The following MBIP variants were observed in gnomAD, a reference collection of about 807,000 sequenced individuals.
The protein encoded by MBIP is MAP3K12 binding inhibitory protein 1, also known as MAP3K12-binding inhibitory protein 1.
MBIP carries 32 observed loss-of-function variants against 45.7 expected under a neutral mutation model. The observed-to-expected ratio is 0.70, with a 90% CI of 0.53 to 0.94. MBIP has a LOEUF of 0.94. Ranked by LOEUF, MBIP falls within the 40% of genes least tolerant of loss-of-function variation. The pLI is 0.00. For synonymous variants in MBIP, 145 were observed against 141.0 expected, an observed-to-expected ratio of 1.03 and a Z score of -0.20; for missense variants, 381 against 405.5, an observed-to-expected ratio of 0.94 and a Z score of 0.52.
At chr14:36,305,991 C>T (rs1044506645) in intron 7 of MBIP, among the ~76,000 whole-genome samples, 3 of 152,184 alleles carry the variant, frequency 2.0e-5, no homozygotes, top group African/African-American at 7.2e-5. Context: ...TAGTTTCTCT[C>T]GTTTGTCTCC....
At position 36,307,515 on chromosome 14, in the gene MBIP, C is replaced by G. The variant is rs183287419; in HGVS notation, c.888+577G>C. 2.8e-3 allele frequency among the ~76,000 whole-genome samples: 424 copies of G among 152,198 alleles called. 2 individuals are homozygous for G. Among genetic ancestry groups the G allele is most frequent in the South Asian group, 4.8e-3 (23 of 4,814 alleles). ...ATTTTTCTGAAAAATGTTGATGTGC[C>G]AAAGATACTAACTTACCAGCACAAC... On this transcript the variant is annotated intron_variant, in intron 7 of 8. Transcript: ENST00000416007.
Position 36,308,125 on chromosome 14 carries a change from C to T in MBIP, c.855G>A (p.Leu285=), listed in dbSNP as rs1320833092. 4 of 1,601,996 alleles carry T rather than the reference C, an allele frequency of 2.5e-6. No individual in the cohort carries two copies. Among genetic ancestry groups the T allele is most frequent in the Non-Finnish European group, 3.4e-6 (4 of 1,171,274 alleles). The part of the protein sequence containing the change: ...IKKLEDKILE[L]EGISPEYFQS... ...GAAAATATTCAGGAGAGATGCCTTC[C>T]AATTCAAGGATTTTATCCTCAAGTT... Residue 285 remains leucine, a synonymous_variant, in exon 7 of 9, where the codon TTG becomes TTA. Transcript: ENST00000416007.
chr14:36,301,611 C>T (rs1879557000), intron 7 of MBIP, among the ~76,000 whole-genome samples: 1 of 148,942 alleles, frequency 6.7e-6, no homozygotes, highest in Admixed American at 6.7e-5. Context: ...TGTTTTCTCA[C>T]AATTATGATT....
intron 7 of MBIP, among the ~76,000 whole-genome samples, chr14:36,307,370 C>A (rs1162446029): frequency 1.3e-5 from 2 of 151,780 alleles, no homozygotes; most frequent in Non-Finnish European, 2.9e-5. Context: ...TATAATCTCA[C>A]TTTGATATTA....
chr14:36,317,045 A>C (rs570596536), intron 1 of MBIP, among the ~76,000 whole-genome samples: 9 of 152,310 alleles, frequency 5.9e-5, no homozygotes, highest in African/African-American at 2.2e-4. Flanking sequence ...TTCTATTCTT[A>C]GGTCTGTGTA....
intron 2 of MBIP, among the ~76,000 whole-genome samples, 160 bp downstream of exon 2, chr14:36,316,533 C>T (rs1426857512): frequency 6.6e-6 from 1 of 152,150 alleles, no homozygotes; most frequent in African/African-American, 2.4e-5. Context: ...GTCCTGATCA[C>T]TACTGAAATT....
Position 36,314,736 on chromosome 14 carries a change from G to C in MBIP, c.429C>G (p.Ile143Met), listed in dbSNP as rs1402152912. ...TCTGAACTACTTCTGGATCAAAATGGATCTGTGTCTTTTTCACATCTCTTA... is the reference window on the plus strand; with the variant it reads ...TCTGAACTACTTCTGGATCAAAATGCATCTGTGTCTTTTTCACATCTCTTA... ...SDLRDVKKTQ[I>M]HFDPEVVQIK... Residue 143 changes from isoleucine (I) to methionine (M), a missense_variant, in exon 3 of 9, where the codon ATC becomes ATG. Ile to Met is a conservative substitution (Grantham distance 10). Coordinates refer to ENST00000416007, the MANE Select transcript of MBIP (RefSeq NM_016586.3). 1 of 1,613,346 alleles carries C rather than the reference G, an allele frequency of 6.2e-7. No individual in the cohort carries two copies. The highest frequency in any genetic ancestry group is 8.5e-7 in the Non-Finnish European group (1 of 1,179,700).
At chr14:36,311,547 G>A in intron 6 of MBIP, 26 bp downstream of exon 6, 1 of 1,568,362 alleles carries the variant, frequency 6.4e-7, no homozygotes, top group Non-Finnish European at 8.7e-7. Flanking sequence ...GGTTCATTAT[G>A]AGGTGCCACT....
chr14:36,311,552 G>T, intron 6 of MBIP, 21 bp downstream of exon 6: 1 of 1,574,256 alleles, frequency 6.4e-7, no homozygotes, highest in Non-Finnish European at 8.6e-7. Context: ...ATTATGAGGT[G>T]CCACTTAGCA....
intron 4 of MBIP, 149 bp from the exon 5 acceptor site, chr14:36,312,173 G>T: frequency 2.3e-6 from 1 of 431,778 alleles, no homozygotes; most frequent in East Asian, 3.6e-5. Context: ...TCACACATAG[G>T]ATAGAATTTA....
chr14:36,309,261 TCCTTA>T (rs1320871702), intron 6 of MBIP, among the ~76,000 whole-genome samples: 1 of 152,310 alleles, frequency 6.6e-6, no homozygotes, highest in East Asian at 1.9e-4. Flanking sequence ...TCCCTTATCC[TCCTTA>T]CCTTAATTTT....
At chr14:36,301,269 C>T (rs1032414986) in intron 7 of MBIP, among the ~76,000 whole-genome samples, 2 of 152,154 alleles carry the variant, frequency 1.3e-5, no homozygotes, top group Non-Finnish European at 1.5e-5. Flanking sequence ...ACACCCTGGA[C>T]TGACTATAGT....
At chr14:36,317,044 T>A (rs184845541) in intron 1 of MBIP, among the ~76,000 whole-genome samples, 10 of 152,310 alleles carry the variant, frequency 6.6e-5, no homozygotes, top group Admixed American at 3.9e-4. Context: ...ATTCTATTCT[T>A]AGGTCTGTGT....
At chr14:36,308,944 T>G (rs1260457777) in intron 6 of MBIP, among the ~76,000 whole-genome samples, 2 of 152,222 alleles carry the variant, frequency 1.3e-5, no homozygotes, top group Non-Finnish European at 2.9e-5. Flanking sequence ...ACCTGATCAT[T>G]TCACTGAGGT....
At chr14:36,302,518 A>C (rs924087937) in intron 7 of MBIP, among the ~76,000 whole-genome samples, 1 of 122,836 alleles carries the variant, frequency 8.1e-6, no homozygotes, top group East Asian at 2.4e-4. Flanking sequence ...AAAAAAAAAA[A>C]ATTCCCCTTG....
intron 4 of MBIP, 33 bp from the exon 5 acceptor site, chr14:36,312,057 T>C (rs1305593884): frequency 8.0e-7 from 1 of 1,242,654 alleles, no homozygotes. Context: ...TAAGTTTAAA[T>C]ATATTCTTCC....
At chr14:36,299,739 C>T (rs1165868776) in intron 8 of MBIP, among the ~76,000 whole-genome samples, 1 of 152,134 alleles carries the variant, frequency 6.6e-6, no homozygotes, top group Non-Finnish European at 1.5e-5. Context: ...TAATGGAAAA[C>T]TTTCTATGTT....
chr14:36,300,125 C>A (rs540334397), intron 8 of MBIP, among the ~76,000 whole-genome samples: 7 of 152,140 alleles, frequency 4.6e-5, no homozygotes, highest in African/African-American at 1.4e-4. Flanking sequence ...CTTTTAAAAA[C>A]CTGATTATTC....
chr14:36,302,790 A>G (rs527611985), intron 7 of MBIP, among the ~76,000 whole-genome samples: 3 of 152,362 alleles, frequency 2.0e-5, no homozygotes, highest in Admixed American at 2.0e-4. Flanking sequence ...TGTTTTAGGT[A>G]TAAGGAAATC....
Sources: allele counts gnomAD v4.1 joint callset (sites outside exome capture counted in the v4.1 genomes callset), GRCh38; gene constraint gnomAD v4.1.1; transcripts MANE v1.5; gene names NCBI Gene and HGNC (gene_info 2026-07-23, HGNC 2026-07-21).